Variants in MRPL32 observed in about 807,000 individuals in gnomAD.
MRPL32 encodes large ribosomal subunit protein bL32m.
MRPL32 carries 14 observed loss-of-function variants against 21.7 expected under a neutral mutation model. The ratio of observed to expected loss-of-function variants is 0.64; its 90% CI spans 0.43 to 1.01. The LOEUF (loss-of-function observed/expected upper bound fraction) is 1.01. Ranked by LOEUF, MRPL32 falls within the 50% of genes least tolerant of loss-of-function variation. The pLI, the probability that MRPL32 is intolerant of heterozygous loss-of-function variation, is 0.00. For synonymous variants in MRPL32, 83 were observed against 87.7 expected, an observed-to-expected ratio of 0.95 and a Z score of 0.30; for missense variants, 211 against 235.9, an observed-to-expected ratio of 0.89 and a Z score of 0.69.
At position 42,932,494 on chromosome 7, in the gene MRPL32, G is replaced by C; in HGVS notation, c.108G>C (p.Pro36=). ...TACGGAAGCTTCCGCAGAGCCGGCC[G>C]GGCTTTCCCAGTCCTCCGTGGGGTA... The part of the protein sequence containing the change: ...RLLRKLPQSR[P]GFPSPPWGPA... The change falls in exon 1 of 3, where the codon CCG becomes CCC. Residue 36 remains proline (P), a synonymous_variant. Transcript: ENST00000223324. 2.5e-6 allele frequency: 4 copies of C among 1,609,930 alleles called. No homozygotes were observed. Among genetic ancestry groups the C allele is most frequent in the Non-Finnish European group, 3.4e-6 (4 of 1,177,012 alleles).
At chr7:42,935,984 T>C (rs1786416475) in intron 2 of MRPL32, 3 of 152,218 alleles carry the variant, frequency 2.0e-5, no homozygotes, top group African/African-American at 7.2e-5. Context: ...GTTTACTTCA[T>C]GGCGTTCCAC....
chr7:42,937,580 C>T lies in MRPL32; in HGVS notation c.*4C>T. On this transcript the variant is annotated 3_prime_UTR_variant, in exon 3 of 3. Coordinates refer to ENST00000223324, the MANE Select transcript of MRPL32 (RefSeq NM_031903.3). The stretch of plus-strand genomic sequence containing the variant: ...ATCCTGGTTCACCCAGAATTGACAC[C>T]AAAGATGTTAAAAGGGTAACTTCAC... The T allele has an allele frequency of 6.3e-7, 1 of 1,595,972 alleles. No homozygotes were observed.
chr7:42,937,363 G>A lies in MRPL32; in HGVS notation c.354G>A (p.Gln118=). 1.9e-6 allele frequency: 3 copies of A among 1,614,216 alleles called. No homozygotes were observed. In the East Asian group the frequency reaches 6.7e-5, roughly 36 times the overall value. ...GTCCTGAATGTGGTCACCTGAAACA[G>A]AAACATGTCCTTTGTGCCTACTGCT... The part of the protein sequence containing the change: ...DVCPECGHLK[Q]KHVLCAYCYE... The change falls in exon 3 of 3, where the codon CAG becomes CAA. Residue 118 remains glutamine (Q), a synonymous_variant. Transcript: ENST00000223324.
In MRPL32 at chr7:42,935,010, C is replaced by T; in HGVS notation, c.186C>T (p.Thr62=). 1.2e-6 allele frequency: 2 copies of T among 1,613,768 alleles called. No individual in the cohort carries two copies. Among genetic ancestry groups the T allele is most frequent in the Non-Finnish European group, 1.7e-6 (2 of 1,179,900 alleles). Residue 62 remains threonine, a synonymous_variant, in exon 2 of 3, where the codon ACC becomes ACT. Transcript: ENST00000223324. Reference sequence around the variant, plus strand: ...TGTTTACAGAGCCAGCAAATGATACCAGTGGAAGTAAAGAGAATTCCAGCC... The same window carrying T: ...TGTTTACAGAGCCAGCAAATGATACTAGTGGAAGTAAAGAGAATTCCAGCC... The part of the protein sequence containing the change: ...PAMFTEPAND[T]SGSKENSSLL...
At chr7:42,933,214 T>C (rs1024696591) in intron 1 of MRPL32, among the ~76,000 whole-genome samples, 5 of 152,022 alleles carry the variant, frequency 3.3e-5, no homozygotes, top group Non-Finnish European at 5.9e-5. Context: ...CCAAAATAAA[T>C]AGGAAATTTT....
At chr7:42,935,377 A>G in intron 2 of MRPL32, 1 of 351,264 alleles carries the variant, frequency 2.8e-6, no homozygotes, top group Non-Finnish European at 5.2e-6. Context: ...CTGGGCAAGG[A>G]ACGAGGCTGT....
intron 1 of MRPL32, among the ~76,000 whole-genome samples, chr7:42,934,248 A>G (rs1786385485): frequency 7.7e-6 from 1 of 130,212 alleles, no homozygotes; most frequent in African/African-American, 3.0e-5. Flanking sequence ...AGCCTGAGTG[A>G]CAGAGTGAGA....
chr7:42,937,269 T>G (rs1436401380), intron 2 of MRPL32, 53 bp from the exon 3 acceptor site: 1 of 1,611,724 alleles, frequency 6.2e-7, no homozygotes, highest in African/African-American at 1.3e-5. Flanking sequence ...CAGTGGTTAT[T>G]TGTTCGTTAT....
At chr7:42,933,125 G>A (rs1187777397) in intron 1 of MRPL32, among the ~76,000 whole-genome samples, 1 of 152,142 alleles carries the variant, frequency 6.6e-6, no homozygotes, top group Non-Finnish European at 1.5e-5. Context: ...TTAGTTGCAA[G>A]GGATACGTAT....
In MRPL32 at chr7:42,932,513, T is replaced by TG; in HGVS notation, c.130+1dup. On this transcript the variant is annotated frameshift_variant, in exon 1 of 3. Transcript: ENST00000223324. LOFTEE classifies it high-confidence loss of function. ...CCGGCCGGGCTTTCCCAGTCCTCCGTGGGGTAGGTAAAGAAGGGCTCCGTG... is the reference window on the plus strand; with the variant it reads ...CCGGCCGGGCTTTCCCAGTCCTCCGTGGGGGTAGGTAAAGAAGGGCTCCGTG... 2 of 1,602,320 alleles carry TG rather than the reference T, an allele frequency of 1.2e-6. No homozygotes were observed. Among genetic ancestry groups the TG allele is most frequent in the South Asian group, 1.1e-5 (1 of 90,586 alleles).
At chr7:42,933,582 C>T (rs941500814) in intron 1 of MRPL32, among the ~76,000 whole-genome samples, 1 of 150,842 alleles carries the variant, frequency 6.6e-6, no homozygotes, top group African/African-American at 2.4e-5. Flanking sequence ...AATTCTGTTT[C>T]CCATGTTTCA....
chr7:42,936,141 C>T (rs1276420476), intron 2 of MRPL32: 3 of 152,180 alleles, frequency 2.0e-5, no homozygotes, highest in Non-Finnish European at 4.4e-5. Context: ...AACTGAAAAA[C>T]ACTTTATTAC....
chr7:42,932,712 A>G (rs1338378270), intron 1 of MRPL32, among the ~76,000 whole-genome samples, 196 bp downstream of exon 1: 1 of 152,084 alleles, frequency 6.6e-6, no homozygotes, highest in Non-Finnish European at 1.5e-5. Context: ...AAAAAAAAAA[A>G]AAAAAAAATT....
intron 2 of MRPL32, 48 bp from the exon 3 acceptor site, chr7:42,937,274 C>G (rs116362401): frequency 1.1e-5 from 17 of 1,611,324 alleles, no homozygotes; most frequent in Non-Finnish European, 1.4e-5. Context: ...GTTATTTGTT[C>G]GTTATATTGC....
chr7:42,937,251 G>A (rs1351810053), intron 2 of MRPL32, 71 bp from the exon 3 acceptor site: 2 of 1,611,240 alleles, frequency 1.2e-6, no homozygotes, highest in African/African-American at 1.3e-5. Context: ...TGTAAGCATT[G>A]CTCCTGTCAG....
At chr7:42,936,448 A>G (rs1171487529) in intron 2 of MRPL32, 1 of 152,192 alleles carries the variant, frequency 6.6e-6, no homozygotes, top group East Asian at 1.9e-4. Context: ...ATGGTTAGGC[A>G]AGTAATATAC....
At position 42,937,554 on chromosome 7, in the gene MRPL32, C is replaced by T. The variant is rs777241561; in HGVS notation, c.545C>T (p.Pro182Leu). The stretch of plus-strand genomic sequence containing the variant: ...ATCATTGAACGAGACAGAAAGCGAC[C>T]ATCCTGGTTCACCCAGAATTGACAC... ...KRIIERDRKR[P>L]SWFTQN The change falls in exon 3 of 3, where the codon CCA (proline) becomes CTA (leucine). Residue 182 changes from proline (P) to leucine (L), a missense_variant. Transcript: ENST00000223324. The T allele has an allele frequency of 1.9e-6, 3 of 1,609,718 alleles. No homozygotes were observed. The highest frequency in any genetic ancestry group is 2.5e-6 in the Non-Finnish European group (3 of 1,177,738).
chr7:42,932,667 G>A, intron 1 of MRPL32, 151 bp downstream of exon 1: 1 of 641,134 alleles, frequency 1.6e-6, no homozygotes, highest in Non-Finnish European at 2.2e-6. Flanking sequence ...ATATTAGCGA[G>A]AACAGAACGA....
intron 2 of MRPL32, chr7:42,935,423 T>A (rs751884570): frequency 8.1e-6 from 2 of 247,886 alleles, no homozygotes; most frequent in Non-Finnish European, 1.6e-5. Context: ...GTGAGCTGTG[T>A]CAGTCTTGAG....
Sources: allele counts gnomAD v4.1 joint callset (sites outside exome capture counted in the v4.1 genomes callset), GRCh38; gene constraint gnomAD v4.1.1; transcripts MANE v1.5; gene names NCBI Gene and HGNC (gene_info 2026-07-23, HGNC 2026-07-21).